Variants in HIVEP2 observed in about 807,000 individuals in gnomAD.
HIVEP2 encodes transcription factor HIVEP2.
Under a neutral mutation model 180.7 loss-of-function variants are expected in HIVEP2, and 14 were observed. The ratio of observed to expected loss-of-function variants is 0.08; its 90% confidence interval spans 0.05 to 0.12. HIVEP2 has a LOEUF of 0.12. HIVEP2 is among the 10% of genes least tolerant of loss of function. The pLI is 1.00. For synonymous variants in HIVEP2, 1,184 were observed against 1,136.4 expected (o/e 1.04, Z -0.84); for missense variants, 2,579 against 3,008.5 (o/e 0.86, Z 3.34).
At chr6:142,830,778 T>G (rs1006037636) in intron 2 of HIVEP2, among the ~76,000 whole-genome samples, 2 of 152,136 alleles carry the variant, frequency 1.3e-5, no homozygotes, top group African/African-American at 4.8e-5. Flanking sequence ...CTATTAAAAG[T>G]GATATTCAAA....
At chr6:142,817,370 A>T (rs952894784) in intron 2 of HIVEP2, among the ~76,000 whole-genome samples, 9 of 152,214 alleles carry the variant, frequency 5.9e-5, no homozygotes, top group African/African-American at 2.2e-4. Flanking sequence ...TGATCATTTG[A>T]TCTCATTTGG....
intron 6 of HIVEP2, among the ~76,000 whole-genome samples, chr6:142,767,855 T>C (rs1775413236): frequency 6.6e-6 from 1 of 152,180 alleles, no homozygotes; most frequent in Admixed American, 6.5e-5. Context: ...GCAAGACAAC[T>C]GAGTGCAATG....
intron 3 of HIVEP2, among the ~76,000 whole-genome samples, chr6:142,780,925 A>C (rs1775842988): frequency 6.6e-6 from 1 of 152,226 alleles, no homozygotes; most frequent in African/African-American, 2.4e-5. Flanking sequence ...TTTTATTACT[A>C]AAATGTATAA....
rs767330833 is a variant in HIVEP2 at position 142,772,310 on chromosome 6, C to T, written c.2429G>A (p.Arg810Gln). 4.0e-5 allele frequency: 65 copies of T among 1,614,148 alleles called. 3 individuals are homozygous for T. In the South Asian group the frequency reaches 6.1e-4, roughly 15 times the overall value. The part of the protein sequence containing the change: ...SVIQHTNSLS[R>Q]PNSFERSESA... ...CTCAGACCTTTCAAATGAATTGGGTCGGCTCAGTGAGTTGGTGTGCTGAAT... is the reference window on the plus strand; with the variant it reads ...CTCAGACCTTTCAAATGAATTGGGTTGGCTCAGTGAGTTGGTGTGCTGAAT... The change falls in exon 5 of 10, where the codon CGA becomes CAA. Residue 810 changes from arginine (R) to glutamine (Q), a missense_variant. By Grantham distance (43) the Arg-to-Gln change is conservative. Transcript: ENST00000367603. This position sits in a 1 kb window ranked among gnomAD's most constrained non-coding sequence, Gnocchi z 4.9.
In HIVEP2 at chr6:142,758,787, G is replaced by T. The variant is rs143004081; in HGVS notation, c.6516+985C>A. On this transcript the variant is annotated intron_variant, in intron 9 of 9. Coordinates refer to ENST00000367603, the MANE Select transcript of HIVEP2 (RefSeq NM_006734.4). The stretch of plus-strand genomic sequence containing the variant: ...TCACTTATAATGAAGGCATATCATA[G>T]AAATCTCTGCACATTCTCACTTAGC... 7.2e-5 allele frequency among the ~76,000 whole-genome samples: 11 copies of T among 152,258 alleles called. No homozygotes were observed. The East Asian group carries it at 7.7e-4, about 11-fold the overall frequency.
At chr6:142,819,236 A>G (rs1217250520) in intron 2 of HIVEP2, among the ~76,000 whole-genome samples, 1 of 152,186 alleles carries the variant, frequency 6.6e-6, no homozygotes, top group East Asian at 1.9e-4. Flanking sequence ...AATTTTAAAA[A>G]AAGAAAAAAG....
intron 1 of HIVEP2, among the ~76,000 whole-genome samples, chr6:142,915,532 T>G (rs1777529862): frequency 6.6e-6 from 1 of 152,210 alleles, no homozygotes; most frequent in Admixed American, 6.5e-5. Context: ...AGATGTCTTT[T>G]GTTTTCAGCC....
rs78466543 is a variant in HIVEP2, at chr6:142,899,203, A to G, written c.-641+45896T>C. Among the ~76,000 whole-genome samples the G allele has an allele frequency of 8.5e-3, 1,289 of 152,152 alleles. 77 individuals are homozygous for G. In the East Asian group the frequency reaches 0.17, roughly 20 times the overall value. On this transcript the variant is annotated intron_variant, in intron 1 of 9. Coordinates refer to ENST00000367603, the MANE Select transcript of HIVEP2 (RefSeq NM_006734.4). ...TTACTGCTCACAAATGCATCTCTCT[A>G]TTTCCAGGTCTCTGGATCCTTTTTT...
chr6:142,823,234 G>A (rs1369235297), intron 2 of HIVEP2, among the ~76,000 whole-genome samples: 6 of 152,064 alleles, frequency 3.9e-5, no homozygotes, highest in African/African-American at 1.4e-4. Context: ...CCTTGTCATG[G>A]GTCCCACACT....
At chr6:142,821,740 T>C (rs903178354) in intron 2 of HIVEP2, among the ~76,000 whole-genome samples, 5 of 152,176 alleles carry the variant, frequency 3.3e-5, no homozygotes, top group African/African-American at 9.6e-5. Flanking sequence ...CCCCTGATAA[T>C]ACTCACATTG....
chr6:142,770,340 C>T lies in HIVEP2; in HGVS notation c.4399G>A (p.Gly1467Arg), dbSNP rs1430761387. The change falls in exon 5 of 10, where the codon GGA becomes AGA. Residue 1467 changes from glycine to arginine, a missense_variant. By Grantham distance (125) the Gly-to-Arg change is moderately radical. This residue lies in a region of HIVEP2 where 29 missense variants were observed against 64.7 expected (regional missense o/e 0.45). Transcript: ENST00000367603. This position sits in a 1 kb window ranked among gnomAD's most constrained non-coding sequence, Gnocchi z 4.7. ...QKRVKEEKMY[G>R]QIVEELSAVE... The stretch of plus-strand genomic sequence containing the variant: ...GCACTAAGCTCCTCCACAATCTGTC[C>T]GTACATCTTTTCTTCTTTGACCCTT... The T allele has an allele frequency of 1.2e-6, 2 of 1,614,106 alleles. No individual in the cohort carries two copies. The highest frequency in any genetic ancestry group is 1.7e-6 in the Non-Finnish European group (2 of 1,180,024).
intron 2 of HIVEP2, among the ~76,000 whole-genome samples, chr6:142,791,682 A>T (rs1250895023): frequency 6.6e-6 from 1 of 152,218 alleles, no homozygotes; most frequent in African/African-American, 2.4e-5. Context: ...TGCAAACTTC[A>T]TATTTCTTTG....
At chr6:142,910,036 T>C (rs1050086179) in intron 1 of HIVEP2, among the ~76,000 whole-genome samples, 12 of 152,234 alleles carry the variant, frequency 7.9e-5, no homozygotes, top group Non-Finnish European at 1.6e-4. Context: ...CCAGTGACAA[T>C]GTTTGACTTC....
intron 2 of HIVEP2, among the ~76,000 whole-genome samples, chr6:142,822,652 T>C (rs990799978): frequency 6.6e-6 from 1 of 152,238 alleles, no homozygotes; most frequent in Non-Finnish European, 1.5e-5. Context: ...AGCCCCAGCC[T>C]AGGTAAATAA....
intron 1 of HIVEP2, chr6:142,944,882 G>T (rs779619438): frequency 2.6e-5 from 4 of 152,282 alleles, no homozygotes; most frequent in Non-Finnish European, 4.4e-5. Context: ...GGGCGCCTCC[G>T]CCTGAACCTT....
chr6:142,825,823 T>A (rs1479689511), intron 2 of HIVEP2, among the ~76,000 whole-genome samples: 1 of 152,182 alleles, frequency 6.6e-6, no homozygotes, highest in Non-Finnish European at 1.5e-5. Flanking sequence ...AATAATGAAT[T>A]TAATTAATTA....
At chr6:142,841,079 T>G (rs1361143001) in intron 1 of HIVEP2, among the ~76,000 whole-genome samples, 1 of 152,122 alleles carries the variant, frequency 6.6e-6, no homozygotes, top group East Asian at 1.9e-4. Flanking sequence ...TAGGTCATAG[T>G]TCTTCTTATG....
chr6:142,756,460 G>A (rs1400936272), intron 9 of HIVEP2, among the ~76,000 whole-genome samples: 1 of 152,150 alleles, frequency 6.6e-6, no homozygotes. Flanking sequence ...AAATCTGCAT[G>A]GGCCACCTCC....
chr6:142,868,156 A>T (rs576649155), intron 1 of HIVEP2, among the ~76,000 whole-genome samples: 1 of 152,314 alleles, frequency 6.6e-6, no homozygotes. Flanking sequence ...GCTACAGTTC[A>T]CTTAACCTCA....
Sources: allele counts gnomAD v4.1 joint callset (sites outside exome capture counted in the v4.1 genomes callset), GRCh38; gene constraint gnomAD v4.1.1; regional missense constraint gnomAD v4.1.1; non-coding constraint Gnocchi (gnomAD v3.1); transcripts MANE v1.5; gene names NCBI Gene and HGNC (gene_info 2026-07-23, HGNC 2026-07-21).